MBD5: variants seen among roughly 807,000 people sequenced by gnomAD.
MBD5 encodes the protein methyl-CpG-binding domain protein 5.
In MBD5, 13 loss-of-function variants were observed where a neutral mutation model predicts 117.3. The ratio of observed to expected loss-of-function variants is 0.11; its 90% CI spans 0.07 to 0.18. The LOEUF is 0.18. Among genes scored for constraint, MBD5 ranks in the 10% least tolerant of loss-of-function variants. The pLI, the probability that MBD5 is intolerant of heterozygous loss-of-function variation, is 1.00. For synonymous variants in MBD5, 727 were observed against 766.4 expected, an observed-to-expected ratio of 0.95 and a Z score of 0.85; for missense variants, 1,879 against 2,093.8, an observed-to-expected ratio of 0.90 and a Z score of 2.00.
chr2:148,390,845 G>A (rs1254224200), intron 4 of MBD5, among the ~76,000 whole-genome samples: 2 of 152,110 alleles, frequency 1.3e-5, no homozygotes, highest in Non-Finnish European at 2.9e-5. Flanking sequence ...TCAGGCGTGA[G>A]CCACTGTGCC....
intron 2 of MBD5, among the ~76,000 whole-genome samples, chr2:148,209,881 T>C (rs1699377913): frequency 6.6e-6 from 1 of 152,142 alleles, no homozygotes; most frequent in African/African-American, 2.4e-5. Context: ...ACTAAGCCAT[T>C]CATGAGCTAG....
At chr2:148,485,364 C>T (rs754326746) in intron 9 of MBD5, 1 of 207,262 alleles carries the variant, frequency 4.8e-6, no homozygotes, top group Non-Finnish European at 9.8e-6. Flanking sequence ...TGGTCAGATA[C>T]TTACAATTGC....
chr2:148,406,634 C>A (rs1705085722), intron 4 of MBD5, among the ~76,000 whole-genome samples: 1 of 141,404 alleles, frequency 7.1e-6, no homozygotes, highest in African/African-American at 2.8e-5. Context: ...ATACATGATT[C>A]CCTCCTCACC....
chr2:148,073,839 T>C (rs771135207), intron 1 of MBD5, among the ~76,000 whole-genome samples: 26 of 152,320 alleles, frequency 1.7e-4, no homozygotes, highest in Non-Finnish European at 2.9e-4. Flanking sequence ...CAAGTGTTAC[T>C]AACTACTGTG....
chr2:148,286,853 A>T (rs949826583), intron 3 of MBD5, among the ~76,000 whole-genome samples: 1 of 152,336 alleles, frequency 6.6e-6, no homozygotes, highest in South Asian at 2.1e-4. Flanking sequence ...GTACTTACTT[A>T]TGAAAAATAT....
chr2:148,509,841 C>T (rs1186116876), intron 12 of MBD5, among the ~76,000 whole-genome samples: 1 of 151,940 alleles, frequency 6.6e-6, no homozygotes, highest in African/African-American at 2.4e-5. Flanking sequence ...CTCCCCGCCC[C>T]ACAATCTGTT....
At chr2:148,174,147 C>T (rs1698327202) in intron 1 of MBD5, among the ~76,000 whole-genome samples, 1 of 151,954 alleles carries the variant, frequency 6.6e-6, no homozygotes, top group Non-Finnish European at 1.5e-5. Context: ...AGAAATGAGC[C>T]CATGCATGTA....
At chr2:148,331,067 G>C (rs901916779) in intron 3 of MBD5, among the ~76,000 whole-genome samples, 3 of 152,164 alleles carry the variant, frequency 2.0e-5, no homozygotes, top group African/African-American at 7.2e-5. Context: ...AAGTAGTGAT[G>C]TTTACATATC....
chr2:148,291,505 C>A (rs950935355), intron 3 of MBD5, among the ~76,000 whole-genome samples: 2 of 151,942 alleles, frequency 1.3e-5, no homozygotes, highest in East Asian at 3.8e-4. Flanking sequence ...ATTCATTGCC[C>A]GTTTAGAGAA....
chr2:148,197,813 T>TTG (rs1699032752), intron 2 of MBD5, among the ~76,000 whole-genome samples: 2 of 115,022 alleles, frequency 1.7e-5, no homozygotes, highest in African/African-American at 6.2e-5. Flanking sequence ...TTTGTTTTTT[T>TTG]TTTTGTTTTT....
intron 4 of MBD5, among the ~76,000 whole-genome samples, chr2:148,355,996 T>C (rs888391944): frequency 5.3e-5 from 8 of 152,194 alleles, no homozygotes; most frequent in African/African-American, 1.9e-4. Context: ...CTCACTCTCT[T>C]GAGCAGTGGT....
At chr2:148,425,795 A>T (rs1705761241) in intron 4 of MBD5, among the ~76,000 whole-genome samples, 1 of 152,242 alleles carries the variant, frequency 6.6e-6, no homozygotes, top group Non-Finnish European at 1.5e-5. Flanking sequence ...CCATGTGATT[A>T]TCTCAATAGA....
intron 12 of MBD5, among the ~76,000 whole-genome samples, chr2:148,503,364 C>G (rs1681929543): frequency 6.6e-6 from 1 of 152,156 alleles, no homozygotes. Flanking sequence ...GTATTGTCGT[C>G]TTTCTAAAAA....
At chr2:148,134,875 A>G (rs188535335) in intron 1 of MBD5, among the ~76,000 whole-genome samples, 23 of 152,220 alleles carry the variant, frequency 1.5e-4, no homozygotes, top group African/African-American at 5.1e-4. Context: ...TGAGATTTCT[A>G]TTCTGATTCA....
chr2:148,150,451 A>C (rs1419097560), intron 1 of MBD5, among the ~76,000 whole-genome samples: 1 of 152,108 alleles, frequency 6.6e-6, no homozygotes, highest in African/African-American at 2.4e-5. Context: ...TATGAACTTT[A>C]AAGTATTTTT....
At chr2:148,096,858 A>C (rs1230106919) in intron 1 of MBD5, among the ~76,000 whole-genome samples, 1 of 152,180 alleles carries the variant, frequency 6.6e-6, no homozygotes, top group Non-Finnish European at 1.5e-5. Context: ...AGTGAGGCAT[A>C]TTATAGAGAT....
chr2:148,489,368 C>G lies in MBD5; in HGVS notation c.3754-18C>G. 1 of 1,613,958 alleles carries G rather than the reference C, an allele frequency of 6.2e-7. No individual in the cohort carries two copies. Among genetic ancestry groups the G allele is most frequent in the African/African-American group, 1.3e-5 (1 of 74,994 alleles). On this transcript the variant is annotated intron_variant, in intron 10 of 13. Transcript: ENST00000642680. The stretch of plus-strand genomic sequence containing the variant: ...ATTATTTCCCTTTCTCTCACTGCTT[C>G]CTGTCTATTTCTTCAAGGTGAGAAT...
At chr2:148,138,609 G>C (rs907715468) in intron 1 of MBD5, among the ~76,000 whole-genome samples, 7 of 152,170 alleles carry the variant, frequency 4.6e-5, no homozygotes, top group Admixed American at 6.5e-5. Flanking sequence ...GGGAGATTGG[G>C]AAGCTATTAT....
chr2:148,214,730 A>C (rs1699510582), intron 2 of MBD5, among the ~76,000 whole-genome samples: 1 of 152,192 alleles, frequency 6.6e-6, no homozygotes, highest in South Asian at 2.1e-4. Context: ...GTCTGCTGTG[A>C]AACTTGTCTT....
Sources: gnomAD v4.1 joint callset for allele counts (sites outside exome capture counted in the v4.1 genomes callset) on GRCh38, gnomAD v4.1.1 for gene constraint, MANE v1.5 for transcripts, NCBI Gene and HGNC (gene_info 2026-07-23, HGNC 2026-07-21) for gene names.